DGKH: variants seen among roughly 807,000 people sequenced by gnomAD.
DGKH encodes the protein diacylglycerol kinase eta.
DGKH carries 90 observed loss-of-function variants against 159.3 expected under a neutral mutation model. The ratio of observed to expected loss-of-function variants is 0.57; its 90% confidence interval spans 0.48 to 0.67. The LOEUF (loss-of-function observed/expected upper bound fraction) is 0.67. Ranked by LOEUF, DGKH falls within the 30% of genes least tolerant of loss-of-function variation. The pLI, the probability that DGKH is intolerant of heterozygous loss-of-function variation, is 0.00. For synonymous variants in DGKH, 536 were observed against 553.8 expected (o/e 0.97, Z 0.45); for missense variants, 1,181 against 1,506.1 (o/e 0.78, Z 3.57).
intron 1 of DGKH, among the ~76,000 whole-genome samples, chr13:42,101,290 T>G (rs901969764): frequency 6.6e-6 from 1 of 152,240 alleles, no homozygotes; most frequent in African/African-American, 2.4e-5. Context: ...AAAGAAAATT[T>G]ATTGGAAGAA....
chr13:42,155,265 T>A (rs1164926830), intron 3 of DGKH, 26 bp from the exon 4 acceptor site: 2 of 1,531,000 alleles, frequency 1.3e-6, no homozygotes, highest in African/African-American at 2.8e-5. Context: ...GTATTAACAA[T>A]CATTAGATTG....
chr13:42,093,617 T>G (rs1424635066), intron 1 of DGKH, among the ~76,000 whole-genome samples: 1 of 152,142 alleles, frequency 6.6e-6, no homozygotes, highest in Non-Finnish European at 1.5e-5. Flanking sequence ...CAAGTGCCAA[T>G]AAACAGACGA....
chr13:42,098,446 C>T (rs1039712818), intron 1 of DGKH, among the ~76,000 whole-genome samples: 1 of 151,556 alleles, frequency 6.6e-6, no homozygotes, highest in Non-Finnish European at 1.5e-5. Context: ...AAGATCATGC[C>T]ACTGCACTTC....
In DGKH at chr13:42,232,567, AC is replaced by A. The variant is rs1461155372; in HGVS notation, c.*3382del. 1 of 152,086 alleles carries A rather than the reference AC, an allele frequency of 6.6e-6. No homozygotes were observed. The highest frequency in any genetic ancestry group is 1.5e-5 in the Non-Finnish European group (1 of 68,038). The allele number at this position is 152,086 out of a possible 1,614,324, so 9.4% of individuals were successfully genotyped here. On this transcript the variant is annotated 3_prime_UTR_variant, in exon 30 of 30. Transcript: ENST00000337343. ...TCTACTTTCCTTTCCCCATCAATTAACCCACTACAAAATGACCCCTTTCATT... is the reference window on the plus strand; with the variant it reads ...TCTACTTTCCTTTCCCCATCAATTAACCACTACAAAATGACCCCTTTCATT...
Position 42,209,474 on chromosome 13 carries a change from CA to C in DGKH, c.2850+14del. On this transcript the variant is annotated intron_variant, in intron 23 of 29. Coordinates refer to ENST00000337343, the MANE Select transcript of DGKH (RefSeq NM_178009.5). Reference sequence around the variant, plus strand: ...TGCTAACAAGGGACAGAGTATGTAACAAAAACATTCTTCTAGAATATTGTCA... The same window carrying C: ...TGCTAACAAGGGACAGAGTATGTAACAAAACATTCTTCTAGAATATTGTCA... The C allele has an allele frequency of 6.3e-7, 1 of 1,574,856 alleles. No homozygotes were observed. Among genetic ancestry groups the C allele is most frequent in the Non-Finnish European group, 8.6e-7 (1 of 1,165,382 alleles).
intron 30 of DGKH, among the ~76,000 whole-genome samples, chr13:42,255,703 T>C (rs537365819): frequency 1.2e-4 from 19 of 152,312 alleles, no homozygotes; most frequent in African/African-American, 4.3e-4. Context: ...CTTCATACCA[T>C]ATTCTAAATG....
intron 3 of DGKH, among the ~76,000 whole-genome samples, chr13:42,152,981 G>A (rs61959232): frequency 0.13 from 19,256 of 152,110 alleles, 1,588 homozygotes; most frequent in Admixed American, 0.22. Flanking sequence ...GTTGCTGTCC[G>A]TGGACAAATC....
At chr13:42,217,328 C>A (rs1404075083) in intron 26 of DGKH, among the ~76,000 whole-genome samples, 2 of 152,176 alleles carry the variant, frequency 1.3e-5, no homozygotes, top group East Asian at 1.9e-4. Flanking sequence ...CAACCTCAGC[C>A]TCTCTGGTTC....
intron 1 of DGKH, among the ~76,000 whole-genome samples, chr13:42,103,830 G>A (rs941416714): frequency 3.9e-5 from 6 of 152,150 alleles, no homozygotes; most frequent in Non-Finnish European, 4.4e-5. Flanking sequence ...ATCAGGGTTC[G>A]GTTAGGAAGG....
chr13:42,160,324 TG>T (rs1956149348), intron 7 of DGKH, among the ~76,000 whole-genome samples, 188 bp downstream of exon 7: 1 of 152,226 alleles, frequency 6.6e-6, no homozygotes, highest in Non-Finnish European at 1.5e-5. Context: ...TCAAATGCCC[TG>T]TAAAACTTAT....
chr13:42,127,037 TGAA>T (rs1301681356), intron 1 of DGKH, among the ~76,000 whole-genome samples: 1 of 152,188 alleles, frequency 6.6e-6, no homozygotes, highest in African/African-American at 2.4e-5. Flanking sequence ...AATAAAGCCA[TGAA>T]GAAGTTTAGT....
At chr13:42,063,768 C>T (rs1053826674) in intron 1 of DGKH, among the ~76,000 whole-genome samples, 4 of 151,956 alleles carry the variant, frequency 2.6e-5, no homozygotes, top group Admixed American at 6.6e-5. Context: ...GGAGAAACCC[C>T]GTCTCTATTA....
At chr13:42,041,717 G>A (rs1175742432) in intron 1 of DGKH, among the ~76,000 whole-genome samples, 10 of 152,122 alleles carry the variant, frequency 6.6e-5, no homozygotes, top group Admixed American at 5.9e-4. Context: ...AGCTCTGGAA[G>A]CCTGTGTGGG....
Position 42,218,269 on chromosome 13 carries a change from G to C in DGKH, c.3214-961G>C, listed in dbSNP as rs557658373. On this transcript the variant is annotated intron_variant, in intron 26 of 29. Coordinates refer to ENST00000337343, the MANE Select transcript of DGKH (RefSeq NM_178009.5). The stretch of plus-strand genomic sequence containing the variant: ...TTTCAATGAGTTAATGCAGATAATA[G>C]GTGAGCAGTTAAATTCTCCTTAAAA... Among the ~76,000 whole-genome samples the C allele has an allele frequency of 2.1e-3, 314 of 152,254 alleles. 1 individual carries two copies. Among genetic ancestry groups the C allele is most frequent in the Non-Finnish European group, 3.7e-3 (255 of 68,006 alleles).
chr13:42,138,858 A>G (rs1183687739), intron 3 of DGKH, among the ~76,000 whole-genome samples: 4 of 152,316 alleles, frequency 2.6e-5, no homozygotes, highest in South Asian at 2.1e-4. Context: ...ATGATGCCAT[A>G]TTAATGCAAT....
chr13:42,110,284 C>T (rs186997783), intron 1 of DGKH, among the ~76,000 whole-genome samples: 1 of 152,206 alleles, frequency 6.6e-6, no homozygotes, highest in African/African-American at 2.4e-5. Flanking sequence ...CCAGCTCCTC[C>T]TGCAGCCACA....
intron 3 of DGKH, among the ~76,000 whole-genome samples, chr13:42,144,910 A>G (rs1955682647): frequency 6.6e-6 from 1 of 152,172 alleles, no homozygotes; most frequent in African/African-American, 2.4e-5. Flanking sequence ...ATTCCTAGTG[A>G]ATCCTTATTA....
chr13:42,199,571 G>T lies in DGKH; in HGVS notation c.2291G>T (p.Gly764Val), dbSNP rs567094425. Residue 764 changes from glycine (G) to valine (V), a missense_variant, in exon 19 of 30, where the codon GGA (glycine) becomes GTA (valine). Physicochemically the swap from Gly to Val is moderately radical, Grantham distance 109 (BLOSUM62 -3). Coordinates refer to ENST00000337343, the MANE Select transcript of DGKH (RefSeq NM_178009.5). ...FIDPDLDSVD[G>V]YSEKCVMNNY... is the part of the protein sequence containing the mutation. The stretch of plus-strand genomic sequence containing the variant: ...ACTTTTCCCTGTGATCATAGAGATG[G>T]ATATTCAGAAAAATGTGTCATGAAC... The T allele has an allele frequency of 1.6e-5, 25 of 1,579,914 alleles. No homozygotes were observed. The highest frequency in any genetic ancestry group is 2.0e-5 in the Non-Finnish European group (23 of 1,165,876).
At chr13:42,164,736 C>T (rs1475785841) in intron 7 of DGKH, among the ~76,000 whole-genome samples, 1 of 152,120 alleles carries the variant, frequency 6.6e-6, no homozygotes, top group East Asian at 1.9e-4. Flanking sequence ...CTGTGATACG[C>T]ATCACTTTCC....
Sources: gnomAD v4.1 joint callset for allele counts (sites outside exome capture counted in the v4.1 genomes callset) on GRCh38, gnomAD v4.1.1 for gene constraint, MANE v1.5 for transcripts, NCBI Gene and HGNC (gene_info 2026-07-23, HGNC 2026-07-21) for gene names.